Variants in MGAT5B observed in about 807,000 individuals in gnomAD.
The protein encoded by MGAT5B is N-acetylglucosaminyl-transferase Vb.
In MGAT5B, 54 loss-of-function variants were observed where a neutral mutation model predicts 95.1. The observed-to-expected ratio is 0.57, with a 90% CI of 0.46 to 0.71. The LOEUF (loss-of-function observed/expected upper bound fraction) is 0.71, where lower values mean the gene tolerates loss of function less well. Among genes scored for constraint, MGAT5B ranks in the 30% least tolerant of loss-of-function variants. MGAT5B has a pLI of 0.00. For synonymous variants in MGAT5B, 464 were observed against 451.0 expected (o/e 1.03, Z -0.36); for missense variants, 935 against 1,088.6 (o/e 0.86, Z 1.99).
chr17:76,910,079 C>T (rs1380056666), intron 8 of MGAT5B, among the ~76,000 whole-genome samples: 1 of 152,182 alleles, frequency 6.6e-6, no homozygotes, highest in African/African-American at 2.4e-5. Flanking sequence ...AGGAACCCGG[C>T]TGGGAGCTGT....
chr17:76,917,017 A>G lies in MGAT5B; in HGVS notation c.1026-7949A>G, dbSNP rs1968962634. ...AGGGTGGTACGAATAACCCCCTAGC[A>G]CTCTTCCCGACTACGCTGTCAGGTT... On this transcript the variant is annotated intron_variant, in intron 8 of 17. Coordinates refer to ENST00000569840, the MANE Select transcript of MGAT5B (RefSeq NM_001199172.2). The surrounding 1 kb of genome is among the most constrained non-coding windows in gnomAD (Gnocchi z 6.1). 6.6e-6 allele frequency among the ~76,000 whole-genome samples: 1 copy of G among 151,892 alleles called. No individual in the cohort carries two copies. Among genetic ancestry groups the G allele is most frequent in the Admixed American group, 6.6e-5 (1 of 15,258 alleles).
Position 76,916,969 on chromosome 17 carries a change from C to T in MGAT5B, c.1026-7997C>T, listed in dbSNP as rs1043055262. On this transcript the variant is annotated intron_variant, in intron 8 of 17. Transcript: ENST00000569840. This position sits in a 1 kb window ranked among gnomAD's most constrained non-coding sequence, Gnocchi z 5.3. ...CAGGGCTGGTCTGGGGCTTTTTATT[C>T]TGGGTGAAGCCGGCAGAAGCACAGG... Among the ~76,000 whole-genome samples the T allele has an allele frequency of 1.3e-5, 2 of 152,144 alleles. No homozygotes were observed. Among genetic ancestry groups the T allele is most frequent in the Non-Finnish European group, 2.9e-5 (2 of 68,028 alleles).
chr17:76,913,537 G>T (rs907106856), intron 8 of MGAT5B: 10 of 367,160 alleles, frequency 2.7e-5, no homozygotes, highest in Admixed American at 1.3e-4. Context: ...CCCAGGGGAG[G>T]TGTGGCATGG....
At chr17:76,885,665 C>A (rs1340291032) in intron 3 of MGAT5B, among the ~76,000 whole-genome samples, 4 of 152,184 alleles carry the variant, frequency 2.6e-5, no homozygotes, top group Non-Finnish European at 5.9e-5. Flanking sequence ...CCATCACGAC[C>A]GGCAGAGCCC....
Position 76,882,425 on chromosome 17 carries a change from C to T in MGAT5B, c.329+127C>T, listed in dbSNP as rs1477614247. ...GATTTGGACCACACTGTGGTACAGC[C>T]CAGAGTGCATTTCTACCACCCAAAT... On this transcript the variant is annotated intron_variant, in intron 3 of 17. Transcript: ENST00000569840. 2.6e-6 allele frequency: 3 copies of T among 1,137,690 alleles called. No homozygotes were observed. The East Asian group carries it at 8.7e-5, about 33-fold the overall frequency. The allele number at this position is 1,137,690 out of a possible 1,614,324, so 70.5% of individuals were successfully genotyped here.
At chr17:76,872,181 A>C (rs913135019) in intron 1 of MGAT5B, among the ~76,000 whole-genome samples, 56 of 151,122 alleles carry the variant, frequency 3.7e-4, no homozygotes, top group Non-Finnish European at 1.3e-4. Flanking sequence ...CCTAGGGGAG[A>C]TGTGTGTTGG....
chr17:76,879,596 A>G (rs565441255), intron 2 of MGAT5B, among the ~76,000 whole-genome samples: 1 of 152,118 alleles, frequency 6.6e-6, no homozygotes, highest in Non-Finnish European at 1.5e-5. Context: ...GGCGGCCACA[A>G]TACCAGTGGT....
Position 76,917,144 on chromosome 17 carries a change from T to C in MGAT5B, c.1026-7822T>C, listed in dbSNP as rs878951241. Among the ~76,000 whole-genome samples, 5 of 152,132 alleles carry C rather than the reference T, an allele frequency of 3.3e-5. No homozygotes were observed. Among genetic ancestry groups the C allele is most frequent in the African/African-American group, 1.2e-4 (5 of 41,430 alleles). On this transcript the variant is annotated intron_variant, in intron 8 of 17. Coordinates refer to ENST00000569840, the MANE Select transcript of MGAT5B (RefSeq NM_001199172.2). The surrounding 1 kb of genome is among the most constrained non-coding windows in gnomAD (Gnocchi z 6.1). ...CAAGTCCGGGTTTAGTGTGAGGATTTTGCACACCAACCATCACTGCAAATA... is the reference window on the plus strand; with the variant it reads ...CAAGTCCGGGTTTAGTGTGAGGATTCTGCACACCAACCATCACTGCAAATA...
intron 3 of MGAT5B, among the ~76,000 whole-genome samples, chr17:76,901,239 G>A (rs1968305813): frequency 1.3e-5 from 2 of 152,100 alleles, no homozygotes; most frequent in African/African-American, 4.8e-5. Flanking sequence ...GAGAGGTGGG[G>A]TTTGCAGACC....
In MGAT5B at chr17:76,915,376, G is replaced by A. The variant is rs769265789; in HGVS notation, c.1025+9189G>A. Among the ~76,000 whole-genome samples the A allele has an allele frequency of 1.2e-3, 183 of 152,202 alleles. 1 individual carries two copies. Among genetic ancestry groups the A allele is most frequent in the Middle Eastern group, 3.4e-3 (1 of 294 alleles). On this transcript the variant is annotated intron_variant, in intron 8 of 17. Coordinates refer to ENST00000569840, the MANE Select transcript of MGAT5B (RefSeq NM_001199172.2). This position sits in a 1 kb window ranked among gnomAD's most constrained non-coding sequence, Gnocchi z 8.7. ...CGGGGATCGGGCACTCCTCTCTGACGGTTTCTATTTTATCTTCGATGCCGG... is the reference window on the plus strand; with the variant it reads ...CGGGGATCGGGCACTCCTCTCTGACAGTTTCTATTTTATCTTCGATGCCGG...
chr17:76,902,657 C>G lies in MGAT5B; in HGVS notation c.432C>G (p.Leu144=), dbSNP rs1200492248. The G allele has an allele frequency of 1.9e-6, 3 of 1,589,636 alleles. No individual in the cohort carries two copies. Among genetic ancestry groups the G allele is most frequent in the Non-Finnish European group, 1.7e-6 (2 of 1,167,294 alleles). Reference sequence around the variant, plus strand: ...ACCAGATCCTGCGCCACAGTCTGCTCCTGCACAGCAAGGGTGGGTGCCAGG... The same window carrying G: ...ACCAGATCCTGCGCCACAGTCTGCTGCTGCACAGCAAGGGTGGGTGCCAGG... The part of the protein sequence containing the change: ...KVDQILRHSL[L]LHSKVSEGRR... The change falls in exon 4 of 18, where the codon CTC becomes CTG. Residue 144 remains leucine (L), a synonymous_variant. Coordinates refer to ENST00000569840, the MANE Select transcript of MGAT5B (RefSeq NM_001199172.2).
intron 8 of MGAT5B, among the ~76,000 whole-genome samples, chr17:76,924,621 A>C (rs1053117880): frequency 5.9e-5 from 9 of 152,192 alleles, no homozygotes; most frequent in African/African-American, 2.2e-4. Context: ...GCCAGCATCC[A>C]TGGGATTTGT....
intron 3 of MGAT5B, among the ~76,000 whole-genome samples, chr17:76,888,565 ACT>A (rs1187467459): frequency 7.9e-5 from 12 of 152,064 alleles, no homozygotes; most frequent in Non-Finnish European, 7.4e-5. Flanking sequence ...ATTGAATGCA[ACT>A]CTCGTAAATC....
At position 76,872,771 on chromosome 17, in the gene MGAT5B, T is replaced by C. The variant is rs1416093328; in HGVS notation, c.69-80T>C. 3.1e-6 allele frequency: 5 copies of C among 1,612,282 alleles called. No individual in the cohort carries two copies. In the East Asian group the frequency reaches 1.1e-4, roughly 36 times the overall value. On this transcript the variant is annotated intron_variant, in intron 1 of 17. Transcript: ENST00000569840. ...ACTCATGCACTCATTCGTAAAACAT[T>C]TGTGCAGCCGGTACGTGGTGGAGCG...
chr17:76,881,069 G>A (rs370777220), intron 2 of MGAT5B, among the ~76,000 whole-genome samples: 1 of 152,086 alleles, frequency 6.6e-6, no homozygotes, highest in Non-Finnish European at 1.5e-5. Flanking sequence ...GCTGAGTTGC[G>A]GATTTTAGTG....
chr17:76,920,861 C>T (rs1226223984), intron 8 of MGAT5B, among the ~76,000 whole-genome samples: 1 of 152,188 alleles, frequency 6.6e-6, no homozygotes, highest in East Asian at 1.9e-4. Context: ...TTTTCTTGGC[C>T]AACTATTAAA....
chr17:76,919,089 C>G (rs571950672), intron 8 of MGAT5B, among the ~76,000 whole-genome samples: 1 of 152,198 alleles, frequency 6.6e-6, no homozygotes, highest in Non-Finnish European at 1.5e-5. Flanking sequence ...TGGAAGGCTA[C>G]CCAGCAAATG....
rs976283479 is a variant in MGAT5B, at chr17:76,949,449, G to A, written c.*611G>A. 1.3e-5 allele frequency: 2 copies of A among 152,748 alleles called. No individual in the cohort carries two copies. The highest frequency in any genetic ancestry group is 2.9e-5 in the Non-Finnish European group (2 of 68,544). The allele number at this position is 152,748 out of a possible 1,614,324, so 9.5% of individuals were successfully genotyped here. A position where few individuals can be genotyped will look rare whatever the true frequency, so the allele number is the denominator to read the frequency against. ...GGGCTGGGAGAAGGCTAAGCCGAGGGGTCCTGTTTGTGCCTCCCCTTAGTC... is the reference window on the plus strand; with the variant it reads ...GGGCTGGGAGAAGGCTAAGCCGAGGAGTCCTGTTTGTGCCTCCCCTTAGTC... On this transcript the variant is annotated 3_prime_UTR_variant, in exon 18 of 18. Transcript: ENST00000569840.
chr17:76,882,430 G>T, intron 3 of MGAT5B, 132 bp downstream of exon 3: 1 of 1,102,076 alleles, frequency 9.1e-7, no homozygotes, highest in Non-Finnish European at 1.2e-6. Flanking sequence ...ACAGCCCAGA[G>T]TGCATTTCTA....
Sources: allele counts gnomAD v4.1 joint callset (sites outside exome capture counted in the v4.1 genomes callset), GRCh38; gene constraint gnomAD v4.1.1; non-coding constraint Gnocchi (gnomAD v3.1); transcripts MANE v1.5; gene names NCBI Gene and HGNC (gene_info 2026-07-23, HGNC 2026-07-21).